The following SREK1 variants were observed in gnomAD, a reference collection of about 807,000 sequenced individuals.
SREK1 encodes splicing regulatory glutamine/lysine-rich protein 1.
SREK1 carries 13 observed loss-of-function variants against 66.5 expected under a neutral mutation model. The observed-to-expected ratio is 0.20, with a 90% CI of 0.13 to 0.31. SREK1 has a LOEUF of 0.31. SREK1 is among the 10% of genes least tolerant of loss of function. SREK1 has a pLI of 1.00. For missense variants in SREK1, 607 were observed against 769.6 expected, an observed-to-expected ratio of 0.79 and a Z score of 2.50; for synonymous variants, 265 against 263.5, an observed-to-expected ratio of 1.01 and a Z score of -0.05.
Position 66,177,507 on chromosome 5 carries a change from CT to C in SREK1, c.1581-5del. The C allele has an allele frequency of 6.4e-7, 1 of 1,564,476 alleles. No homozygotes were observed. The highest frequency in any genetic ancestry group is 8.6e-7 in the Non-Finnish European group (1 of 1,156,294). ...AGAATTTAACTGACATATCAATATT[CT>C]TATAGCAGAAATAAGAAGGATAAAA... On this transcript the variant is annotated splice_polypyrimidine_tract_variant and splice_region_variant and intron_variant, in intron 10 of 11. Transcript: ENST00000334121.
chr5:66,146,191 A>ATTG (rs1356023800), intron 1 of SREK1, among the ~76,000 whole-genome samples: 2 of 152,136 alleles, frequency 1.3e-5, no homozygotes, highest in Non-Finnish European at 2.9e-5. Flanking sequence ...ATAATTGAGA[A>ATTG]TTGTTTGGGG....
rs1266227082 is a variant in SREK1, at chr5:66,176,300, C to T, written c.1581-1214C>T. On this transcript the variant is annotated intron_variant, in intron 10 of 11. Transcript: ENST00000334121. The stretch of plus-strand genomic sequence containing the variant: ...ATTGGTTTGACTGGCCGTTCATGTG[C>T]CAGTGTCCCACCCTTTTAATTATTG... Among the ~76,000 whole-genome samples the T allele has an allele frequency of 3.3e-5, 5 of 152,090 alleles. No individual in the cohort carries two copies. In the South Asian group the frequency reaches 6.2e-4, roughly 19 times the overall value.
Position 66,179,646 on chromosome 5 carries a change from A to G in SREK1, c.*778A>G. 6.6e-6 allele frequency: 1 copy of G among 152,522 alleles called. No homozygotes were observed. Among genetic ancestry groups the G allele is most frequent in the Non-Finnish European group, 1.5e-5 (1 of 67,954 alleles). 9.4% of individuals were successfully genotyped at this position (152,522 alleles called of 1,614,324 possible). On this transcript the variant is annotated 3_prime_UTR_variant, in exon 12 of 12. Transcript: ENST00000334121. Reference sequence around the variant, plus strand: ...AAATTTTCTTGACATTTCCAAGCTTATTATGAATAATATTGCAGTGTGTCT... The same window carrying G: ...AAATTTTCTTGACATTTCCAAGCTTGTTATGAATAATATTGCAGTGTGTCT...
chr5:66,158,695 A>G (rs916154618), intron 2 of SREK1: 6 of 925,882 alleles, frequency 6.5e-6, no homozygotes, highest in Non-Finnish European at 8.7e-6. Context: ...CAATTCGCAC[A>G]TATTTGTTTT....
intron 1 of SREK1, chr5:66,145,046 G>A (rs1743046256): frequency 1.0e-6 from 1 of 985,936 alleles, no homozygotes; most frequent in Non-Finnish European, 1.2e-6. Flanking sequence ...TTCCCAGGAC[G>A]GTCGCACAAA....
rs1328938017 is a variant in SREK1, at chr5:66,170,179, T to C, written c.1121+9T>C. 6.2e-7 allele frequency: 1 copy of C among 1,602,252 alleles called. No individual in the cohort carries two copies. ...AGTCGTTCGCATTCACGGTGAGTTT[T>C]AGAGAAATTAACAATAATTTTTTTT... On this transcript the variant is annotated intron_variant, in intron 8 of 11. Coordinates refer to ENST00000334121, the MANE Select transcript of SREK1 (RefSeq NM_001077199.3).
chr5:66,155,062 A>AGTGTTGCTTGGTTGAAACC (rs138533927), intron 2 of SREK1, among the ~76,000 whole-genome samples: 12,366 of 152,160 alleles, frequency 0.081, 632 homozygotes, highest in East Asian at 0.27. Flanking sequence ...GAATTTTATC[A>AGTGTTGCTTGGTTGAAACC]GTGTTGCTTG....
At chr5:66,160,892 T>C (rs1744703511) in intron 3 of SREK1, among the ~76,000 whole-genome samples, 1 of 152,200 alleles carries the variant, frequency 6.6e-6, no homozygotes, top group African/African-American at 2.4e-5. Context: ...TGAAAAATTT[T>C]TTCTGTTTTC....
intron 3 of SREK1, among the ~76,000 whole-genome samples, chr5:66,159,845 T>C (rs956291865): frequency 6.6e-6 from 1 of 152,166 alleles, no homozygotes; most frequent in African/African-American, 2.4e-5. Flanking sequence ...AAAAAGGATA[T>C]TACGGCCAGG....
At chr5:66,145,303 C>A in intron 1 of SREK1, 3 of 383,748 alleles carry the variant, frequency 7.8e-6, no homozygotes, top group Non-Finnish European at 7.1e-6. Context: ...TTCCCTCGTA[C>A]GATATTATTT....
At chr5:66,170,228 AG>A in intron 8 of SREK1, 58 bp downstream of exon 8, 2 of 1,548,146 alleles carry the variant, frequency 1.3e-6, no homozygotes, top group Non-Finnish European at 1.7e-6. Flanking sequence ...GTTAGTGCTA[AG>A]GGATAATATT....
rs1159441060 is a variant in SREK1, at chr5:66,174,960, G to C, written c.1499G>C (p.Arg500Thr). 1.2e-6 allele frequency: 2 copies of C among 1,612,798 alleles called. No homozygotes were observed. The highest frequency in any genetic ancestry group is 1.7e-5 in the Admixed American group (1 of 59,928). ...TTGATTTTCAGGGAAAGGCGTAGGA[G>C]GAGGAGCAGGAGTTCTTCCAGATCG... is the stretch of plus-strand genomic sequence containing the variant. Reference protein sequence around the residue: ...SRSSSRERRRRRSRSSSRSPR... With the variant: ...SRSSSRERRRTRSRSSSRSPR... The change falls in exon 10 of 12, where the codon AGG becomes ACG. Residue 500 changes from arginine to threonine, a missense_variant. By Grantham distance (71) the Arg-to-Thr change is moderately conservative. Coordinates refer to ENST00000334121, the MANE Select transcript of SREK1 (RefSeq NM_001077199.3).
intron 2 of SREK1, chr5:66,157,691 C>T: frequency 1.0e-6 from 1 of 960,126 alleles, no homozygotes; most frequent in Non-Finnish European, 1.2e-6. Flanking sequence ...GAAATCTGTT[C>T]TCCAGAATTT....
At chr5:66,160,674 A>G (rs1744681687) in intron 3 of SREK1, among the ~76,000 whole-genome samples, 1 of 152,228 alleles carries the variant, frequency 6.6e-6, no homozygotes, top group Non-Finnish European at 1.5e-5. Context: ...ACATGTTTTA[A>G]AAAGATCAGA....
At chr5:66,156,415 T>C (rs1744289486) in intron 2 of SREK1, 4 of 1,098,076 alleles carry the variant, frequency 3.6e-6, no homozygotes, top group Non-Finnish European at 4.4e-6. Context: ...AACCTTAAGA[T>C]AAAGCAAATT....
Position 66,182,373 on chromosome 5 carries a change from A to G in SREK1, c.*3505A>G, listed in dbSNP as rs1315947163. ...TAATGTAATTTTCACTTAAAATTAG[A>G]TGTTTATTTTCAAATTTTAAAAGCT... On this transcript the variant is annotated 3_prime_UTR_variant, in exon 12 of 12. Transcript: ENST00000334121. 1.3e-5 allele frequency: 2 copies of G among 152,148 alleles called. No homozygotes were observed. Among genetic ancestry groups the G allele is most frequent in the Non-Finnish European group, 2.9e-5 (2 of 68,026 alleles). The allele number at this position is 152,148 out of a possible 1,614,324, so 9.4% of individuals were successfully genotyped here. A position where few individuals can be genotyped will look rare whatever the true frequency, so the allele number is the denominator to read the frequency against.
intron 6 of SREK1, 114 bp from the exon 7 acceptor site, chr5:66,164,669 G>A (rs754438273): frequency 6.3e-7 from 1 of 1,596,662 alleles, no homozygotes; most frequent in South Asian, 1.1e-5. Context: ...GGAGGAGGAT[G>A]TACAGAGAGT....
intron 1 of SREK1, among the ~76,000 whole-genome samples, chr5:66,146,803 A>G (rs751596763): frequency 4.6e-5 from 7 of 152,224 alleles, no homozygotes; most frequent in Admixed American, 2.0e-4. Context: ...ATTTTATGAC[A>G]TCTTTAGAGT....
In SREK1 at chr5:66,179,789, A is replaced by G. The variant is rs1746359239; in HGVS notation, c.*921A>G. On this transcript the variant is annotated 3_prime_UTR_variant, in exon 12 of 12. Transcript: ENST00000334121. ...TCTACAATGTGGTATACTGTTTTCTAGAATTTTATATGTGCTAGTCATTCT... is the reference window on the plus strand; with the variant it reads ...TCTACAATGTGGTATACTGTTTTCTGGAATTTTATATGTGCTAGTCATTCT... The G allele has an allele frequency of 1.3e-5, 2 of 152,558 alleles. No individual in the cohort carries two copies. Among genetic ancestry groups the G allele is most frequent in the Admixed American group, 1.3e-4 (2 of 15,264 alleles). 9.5% of individuals were successfully genotyped at this position (152,558 alleles called of 1,614,324 possible). A position where few individuals can be genotyped will look rare whatever the true frequency, so the allele number is the denominator to read the frequency against.
Sources: gnomAD v4.1 joint callset for allele counts (sites outside exome capture counted in the v4.1 genomes callset) on GRCh38, gnomAD v4.1.1 for gene constraint, MANE v1.5 for transcripts, NCBI Gene and HGNC (gene_info 2026-07-23, HGNC 2026-07-21) for gene names.